ABR: variants seen among roughly 807,000 people sequenced by gnomAD.
ABR encodes ABR activator of RhoGEF and GTPase, also known as active breakpoint cluster region-related protein.
Under a neutral mutation model 107.2 loss-of-function variants are expected in ABR, and 35 were observed. That is an observed-to-expected ratio of 0.33 (90% CI 0.25 to 0.43). The LOEUF (loss-of-function observed/expected upper bound fraction) is 0.43, where lower values mean the gene tolerates loss of function less well. Among genes scored for constraint, ABR ranks in the 20% least tolerant of loss-of-function variants. ABR has a pLI of 1.00. For synonymous variants in ABR, 498 were observed against 462.0 expected (o/e 1.08, Z -1.00); for missense variants, 815 against 1,115.2 (o/e 0.73, Z 3.83).
At chr17:1,209,805 T>C (rs1191353984) in intron 1 of ABR, among the ~76,000 whole-genome samples, 2 of 152,220 alleles carry the variant, frequency 1.3e-5, no homozygotes, top group African/African-American at 4.8e-5. Context: ...TTGACCTTTT[T>C]CATTGAGCAG....
chr17:1,100,741 C>G lies in ABR; in HGVS notation c.247-6G>C, dbSNP rs1358676545. The G allele has an allele frequency of 6.2e-7, 1 of 1,613,968 alleles. No individual in the cohort carries two copies. The highest frequency in any genetic ancestry group is 1.6e-4 in the Middle Eastern group (1 of 6,082). On this transcript the variant is annotated splice_region_variant and splice_polypyrimidine_tract_variant and intron_variant, in intron 2 of 22. Coordinates refer to ENST00000302538, the MANE Select transcript of ABR (RefSeq NM_021962.5). ...AGGCCTTTCCCTGCTTCCACCTGCA[C>G]AAACGCAAAGCACAGCCAACAGCTC... is the stretch of plus-strand genomic sequence containing the variant.
chr17:1,072,426 TG>T (rs1251262317), intron 8 of ABR, among the ~76,000 whole-genome samples, 187 bp downstream of exon 8: 7 of 107,738 alleles, frequency 6.5e-5, no homozygotes, highest in South Asian at 8.0e-4. Flanking sequence ...ACGAGGGACC[TG>T]CCGCCCGTGT....
At chr17:1,048,779 T>C (rs1365398736) in intron 16 of ABR, among the ~76,000 whole-genome samples, 2 of 151,468 alleles carry the variant, frequency 1.3e-5, no homozygotes, top group Admixed American at 1.3e-4. Context: ...TGCGCCTGGA[T>C]CACGTCCGGG....
Position 1,108,952 on chromosome 17 carries a change from G to A in ABR, c.247-8217C>T, listed in dbSNP as rs538526796. 3.1e-6 allele frequency: 5 copies of A among 1,595,536 alleles called. No homozygotes were observed. The South Asian group carries it at 3.4e-5, about 11-fold the overall frequency. The stretch of plus-strand genomic sequence containing the variant: ...CTCCCACCTTCACAGCCACCAGGAA[G>A]GGGGACCCTGAGCCGGGGCTGGTCG... On this transcript the variant is annotated intron_variant, in intron 2 of 22. Coordinates refer to ENST00000302538, the MANE Select transcript of ABR (RefSeq NM_021962.5).
intron 2 of ABR, among the ~76,000 whole-genome samples, chr17:1,109,305 C>A (rs1199798310): frequency 6.6e-6 from 1 of 151,788 alleles, no homozygotes; most frequent in Non-Finnish European, 1.5e-5. Flanking sequence ...CAGCCCCTGA[C>A]GCCGTGCCCG....
intron 2 of ABR, among the ~76,000 whole-genome samples, chr17:1,124,528 G>C (rs2039502509): frequency 6.6e-6 from 1 of 152,246 alleles, no homozygotes; most frequent in African/African-American, 2.4e-5. Flanking sequence ...GACAGCGTCA[G>C]TCCCTGTCGC....
At chr17:1,144,851 C>A (rs1055034054) in intron 1 of ABR, among the ~76,000 whole-genome samples, 17 of 152,136 alleles carry the variant, frequency 1.1e-4, no homozygotes, top group Admixed American at 1.0e-3. Context: ...GAAACCCTAT[C>A]TCTGCTAAAA....
At chr17:1,030,783 T>C (rs915014985) in intron 16 of ABR, among the ~76,000 whole-genome samples, 1 of 152,232 alleles carries the variant, frequency 6.6e-6, no homozygotes, top group Non-Finnish European at 1.5e-5. Context: ...CCCTTGTTGC[T>C]CTCTTGATGG....
intron 1 of ABR, among the ~76,000 whole-genome samples, chr17:1,156,345 G>GA (rs994069359): frequency 8.1e-5 from 12 of 148,764 alleles, no homozygotes; most frequent in Middle Eastern, 3.4e-3. Flanking sequence ...TTCATGTGAA[G>GA]AAAAAAAAAA....
At chr17:1,189,267 C>G (rs1345703968), upstream of ABR, among the ~76,000 whole-genome samples, 1 of 151,870 alleles carries the variant, frequency 6.6e-6, no homozygotes, top group East Asian at 1.9e-4. Context: ...CAGTGTCTAA[C>G]AGCAACTGAA....
chr17:1,209,716 T>C (rs769586739), intron 1 of ABR, among the ~76,000 whole-genome samples: 12 of 152,236 alleles, frequency 7.9e-5, no homozygotes, highest in Non-Finnish European at 1.6e-4. Context: ...CCTTCTCTCT[T>C]AACTTTCTAA....
rs766092473 is a variant in ABR, at chr17:1,078,167, C to A, written c.700+1163G>T. Among the ~76,000 whole-genome samples the A allele has an allele frequency of 1.3e-5, 2 of 151,882 alleles. No individual in the cohort carries two copies. Among genetic ancestry groups the A allele is most frequent in the Non-Finnish European group, 2.9e-5 (2 of 67,980 alleles). On this transcript the variant is annotated intron_variant, in intron 6 of 22. Transcript: ENST00000302538. The surrounding 1 kb of genome is among the most constrained non-coding windows in gnomAD (Gnocchi z 7.5). ...AGTAGCTTGCCACACCCCTCTCCCG[C>A]TGGCCCTGCCGACCTGCCTTCCACA... is the stretch of plus-strand genomic sequence containing the variant.
Position 1,067,156 on chromosome 17 carries a change from T to G in ABR, c.1103A>C (p.Gln368Pro), listed in dbSNP as rs1031521465. 6.2e-7 allele frequency: 1 copy of G among 1,613,630 alleles called. No individual in the cohort carries two copies. Among genetic ancestry groups the G allele is most frequent in the Non-Finnish European group, 8.5e-7 (1 of 1,179,874 alleles). The change falls in exon 10 of 23, where the codon CAG (glutamine) becomes CCG (proline). Residue 368 changes from glutamine to proline, a missense_variant. By Grantham distance (76) the Gln-to-Pro change is moderately conservative (BLOSUM62 -1). Coordinates refer to ENST00000302538, the MANE Select transcript of ABR (RefSeq NM_021962.5). Reference sequence around the variant, plus strand: ...CTCATGGTCTGGGAAGGGGTGCACCTGGGGGCTGGCCTCAGACTCCTCGGG... The same window carrying G: ...CTCATGGTCTGGGAAGGGGTGCACCGGGGGGCTGGCCTCAGACTCCTCGGG... ...PSPEESEASP[Q>P]VHPFPDHELE...
chr17:1,182,497 A>G (rs931644010), upstream of ABR, among the ~76,000 whole-genome samples: 1 of 152,130 alleles, frequency 6.6e-6, no homozygotes, highest in Non-Finnish European at 1.5e-5. Flanking sequence ...CCTCCCGAGT[A>G]GCTGGGACTA....
At chr17:1,034,962 C>T (rs762191482) in intron 16 of ABR, among the ~76,000 whole-genome samples, 6 of 152,158 alleles carry the variant, frequency 3.9e-5, no homozygotes, top group East Asian at 1.9e-4. Context: ...AAAGCAAGCT[C>T]GGACTGGATG....
At chr17:1,028,109 A>G (rs1031621768) in intron 16 of ABR, among the ~76,000 whole-genome samples, 1 of 151,958 alleles carries the variant, frequency 6.6e-6, no homozygotes, top group Non-Finnish European at 1.5e-5. Flanking sequence ...CCCCCACCCC[A>G]AGACCGAGTC....
At chr17:1,173,308 C>T (rs1598049134) in intron 1 of ABR, among the ~76,000 whole-genome samples, 45 of 125,502 alleles carry the variant, frequency 3.6e-4, no homozygotes, top group Middle Eastern at 4.4e-3. Context: ...CTCAGTCCAC[C>T]CCCCCCATCA....
chr17:1,078,847 G>A lies in ABR; in HGVS notation c.700+483C>T. On this transcript the variant is annotated intron_variant, in intron 6 of 22. Coordinates refer to ENST00000302538, the MANE Select transcript of ABR (RefSeq NM_021962.5). The surrounding 1 kb of genome is among the most constrained non-coding windows in gnomAD (Gnocchi z 7.5). ...CAGTTACAGCAGAAGCGAATAATGA[G>A]GAGAATCTCCATGGCAGCCTCTGTC... is the stretch of plus-strand genomic sequence containing the variant. 1 of 1,535,612 alleles carries A rather than the reference G, an allele frequency of 6.5e-7. No homozygotes were observed. The highest frequency in any genetic ancestry group is 8.7e-7 in the Non-Finnish European group (1 of 1,146,826).
intron 16 of ABR, among the ~76,000 whole-genome samples, chr17:1,046,859 G>A (rs1005075104): frequency 3.3e-5 from 5 of 152,210 alleles, no homozygotes; most frequent in Non-Finnish European, 5.9e-5. Context: ...TCTCCCTGGA[G>A]GATCACGACA....
Sources: gnomAD v4.1 joint callset for allele counts (sites outside exome capture counted in the v4.1 genomes callset) on GRCh38, gnomAD v4.1.1 for gene constraint, Gnocchi (gnomAD v3.1) non-coding constraint, MANE v1.5 for transcripts, NCBI Gene and HGNC (gene_info 2026-07-23, HGNC 2026-07-21) for gene names.